The following WDFY4 variants were observed in gnomAD, a reference collection of about 807,000 sequenced individuals.
WDFY4 encodes WDFY family member 4.
Under a neutral mutation model 351.9 loss-of-function variants are expected in WDFY4, and 169 were observed. That is an observed-to-expected ratio of 0.48 (90% CI 0.42 to 0.55). The LOEUF is 0.55. WDFY4 is among the 20% of genes least tolerant of loss of function. WDFY4 has a pLI of 0.00. For missense variants in WDFY4, 3,803 were observed against 3,935.6 expected, an observed-to-expected ratio of 0.97 and a Z score of 0.90; for synonymous variants, 1,622 against 1,574.6, an observed-to-expected ratio of 1.03 and a Z score of -0.71.
intron 39 of WDFY4, among the ~76,000 whole-genome samples, chr10:48,838,307 C>T (rs542644635): frequency 2.6e-4 from 39 of 152,284 alleles, no homozygotes; most frequent in Admixed American, 7.2e-4. Context: ...CACCATTGGG[C>T]GCCTTGGAGA....
intron 47 of WDFY4, among the ~76,000 whole-genome samples, chr10:48,911,759 T>C (rs940100658): frequency 5.3e-5 from 8 of 152,148 alleles, no homozygotes; most frequent in South Asian, 2.1e-4. Flanking sequence ...AGCTACTATA[T>C]TTAGTAGTAT....
At chr10:48,742,818 T>A (rs2064893567) in intron 11 of WDFY4, 150 bp from the exon 12 acceptor site, 1 of 709,006 alleles carries the variant, frequency 1.4e-6, no homozygotes. Context: ...AATATGGAGA[T>A]CCCAATGTTT....
At position 48,727,639 on chromosome 10, in the gene WDFY4, G is replaced by A. The variant is rs2064313623; in HGVS notation, c.951G>A (p.Leu317=). ...LEFENSEGYP[L]LLKVLLRYDG... Reference sequence around the variant, plus strand: ...TTGAGAATTCAGAGGGCTATCCTCTGCTGCTCAAAGTGTTACTTCGGTAAG... The same window carrying A: ...TTGAGAATTCAGAGGGCTATCCTCTACTGCTCAAAGTGTTACTTCGGTAAG... The change falls in exon 7 of 62, where the codon CTG becomes CTA. Residue 317 remains leucine, a synonymous_variant. Coordinates refer to ENST00000325239, the MANE Select transcript of WDFY4 (RefSeq NM_001394531.1). 6.4e-7 allele frequency: 1 copy of A among 1,551,916 alleles called. No homozygotes were observed. The highest frequency in any genetic ancestry group is 1.2e-5 in the South Asian group (1 of 84,064).
chr10:48,782,939 T>C (rs2066276766), intron 19 of WDFY4, among the ~76,000 whole-genome samples: 1 of 152,088 alleles, frequency 6.6e-6, no homozygotes, highest in African/African-American at 2.4e-5. Context: ...TGAGTGGTGC[T>C]TCAGTGTGGG....
chr10:48,789,928 G>A lies in WDFY4; in HGVS notation c.4009G>A (p.Ala1337Thr). Residue 1337 changes from alanine (A) to threonine (T), a missense_variant, in exon 22 of 62, where the codon GCT becomes ACT. Physicochemically the swap from Ala to Thr is moderately conservative, Grantham distance 58. Coordinates refer to ENST00000325239, the MANE Select transcript of WDFY4 (RefSeq NM_001394531.1). The part of the protein sequence containing the change: ...AMPVFLLRNC[A>T]GHLSGSLRTI... ...GCCCGTGTTCTTGCTGAGGAATTGTGCTGGCCACCTGTCAGGGTCTCTGCG... is the reference window on the plus strand; with the variant it reads ...GCCCGTGTTCTTGCTGAGGAATTGTACTGGCCACCTGTCAGGGTCTCTGCG... 7.7e-6 allele frequency: 12 copies of A among 1,552,434 alleles called. No individual in the cohort carries two copies. The highest frequency in any genetic ancestry group is 9.6e-6 in the Non-Finnish European group (11 of 1,147,156).
intron 53 of WDFY4, among the ~76,000 whole-genome samples, chr10:48,961,121 G>A (rs777433080): frequency 6.6e-6 from 1 of 152,238 alleles, no homozygotes; most frequent in Admixed American, 6.5e-5. Context: ...GGTGTGACTA[G>A]TGGCAACAAA....
At chr10:48,881,564 G>A (rs368815615) in intron 43 of WDFY4, among the ~76,000 whole-genome samples, 33 of 152,200 alleles carry the variant, frequency 2.2e-4, no homozygotes, top group African/African-American at 7.7e-4. Flanking sequence ...CTGGACTGAT[G>A]TGTGGTGAAA....
intron 1 of WDFY4, among the ~76,000 whole-genome samples, chr10:48,703,188 A>G (rs1366764231): frequency 6.6e-6 from 1 of 152,114 alleles, no homozygotes; most frequent in Non-Finnish European, 1.5e-5. Flanking sequence ...TTATTTATTT[A>G]TTTATTTTGG....
chr10:48,877,346 A>C (rs2070059748), intron 43 of WDFY4, 147 bp downstream of exon 43: 2 of 803,056 alleles, frequency 2.5e-6, no homozygotes, highest in Non-Finnish European at 3.8e-6. Context: ...TCAGTGAAAA[A>C]AGGGATAGAT....
intron 39 of WDFY4, among the ~76,000 whole-genome samples, chr10:48,841,792 G>C (rs1417827433): frequency 6.6e-6 from 1 of 152,198 alleles, no homozygotes; most frequent in Non-Finnish European, 1.5e-5. Flanking sequence ...TCTTAGATTA[G>C]GGGTCTTCCT....
intron 58 of WDFY4, among the ~76,000 whole-genome samples, chr10:48,975,571 A>C (rs117196186): frequency 0.016 from 2,421 of 152,344 alleles, 24 homozygotes; most frequent in Admixed American, 0.025. Flanking sequence ...GGCCCAGGGC[A>C]TAAATAAAAT....
At chr10:48,902,580 T>C (rs550380511) in intron 47 of WDFY4, among the ~76,000 whole-genome samples, 1 of 151,714 alleles carries the variant, frequency 6.6e-6, no homozygotes, top group East Asian at 1.9e-4. Flanking sequence ...TAATAGCTTG[T>C]GATACATGGT....
At position 48,957,130 on chromosome 10, in the gene WDFY4, G is replaced by C. The variant is rs1314704660; in HGVS notation, c.7979G>C (p.Gly2660Ala). Reference protein sequence around the residue: ...PFTQAFCALQGGSFDVADRMF... With the variant: ...PFTQAFCALQAGSFDVADRMF... ...TCATGTTGGCTCCATTTCCCCCAGG[G>C]CGGAAGCTTCGACGTGGCAGACAGA... Residue 2660 changes from glycine (G) to alanine (A), a missense_variant and splice_region_variant, in exon 52 of 62, where the codon GGC becomes GCC. Physicochemically the swap from Gly to Ala is moderately conservative, Grantham distance 60. Transcript: ENST00000325239. 1 of 1,549,306 alleles carries C rather than the reference G, an allele frequency of 6.5e-7. No individual in the cohort carries two copies. Among genetic ancestry groups the C allele is most frequent in the East Asian group, 2.4e-5 (1 of 40,858 alleles).
chr10:48,793,518 T>A (rs2066750686), intron 23 of WDFY4, among the ~76,000 whole-genome samples: 1 of 152,218 alleles, frequency 6.6e-6, no homozygotes, highest in African/African-American at 2.4e-5. Flanking sequence ...TTGTCCACTC[T>A]TTATAAAATG....
At position 48,896,026 on chromosome 10, in the gene WDFY4, A is replaced by G. The variant is rs150086284; in HGVS notation, c.7317-1428A>G. The stretch of plus-strand genomic sequence containing the variant: ...CTGGGAATTTTAAGATGCACTCCCT[A>G]CATTTTCTCTGTCCAGCCTGGGTCT... On this transcript the variant is annotated intron_variant, in intron 44 of 61. Transcript: ENST00000325239. Among the ~76,000 whole-genome samples, 398 of 152,280 alleles carry G rather than the reference A, an allele frequency of 2.6e-3. 1 individual carries two copies. The highest frequency in any genetic ancestry group is 9.2e-3 in the African/African-American group (382 of 41,566).
chr10:48,807,192 A>G (rs2067286243), intron 27 of WDFY4, among the ~76,000 whole-genome samples: 2 of 152,202 alleles, frequency 1.3e-5, no homozygotes, highest in African/African-American at 2.4e-5. Context: ...TTGGTGTGAA[A>G]TTGCTGGCAA....
rs1021104684 is a variant in WDFY4, at chr10:48,832,460, A to C, written c.6527-113A>C. The stretch of plus-strand genomic sequence containing the variant: ...TAGCCTGGGTTGTTTCTCTTTTTGG[A>C]GGCAACCACAGGGGGCTCATGCCCC... On this transcript the variant is annotated intron_variant, in intron 38 of 61. Coordinates refer to ENST00000325239, the MANE Select transcript of WDFY4 (RefSeq NM_001394531.1). 3 of 1,261,856 alleles carry C rather than the reference A, an allele frequency of 2.4e-6. No individual in the cohort carries two copies. The East Asian group carries it at 8.5e-5, about 36-fold the overall frequency. The allele number at this position is 1,261,856 out of a possible 1,614,324, so 78.2% of individuals were successfully genotyped here.
At chr10:48,839,497 C>A (rs2068522591) in intron 39 of WDFY4, among the ~76,000 whole-genome samples, 1 of 152,102 alleles carries the variant, frequency 6.6e-6, no homozygotes, top group Non-Finnish European at 1.5e-5. Flanking sequence ...AAAATGAAGA[C>A]ACATGAGGAT....
At chr10:48,824,527 C>A (rs1335788318) in intron 35 of WDFY4, among the ~76,000 whole-genome samples, 1 of 152,184 alleles carries the variant, frequency 6.6e-6, no homozygotes, top group Non-Finnish European at 1.5e-5. Flanking sequence ...AAACTTTCAA[C>A]TTTTTTTAAC....
Sources: gnomAD v4.1 joint callset for allele counts (sites outside exome capture counted in the v4.1 genomes callset) on GRCh38, gnomAD v4.1.1 for gene constraint, MANE v1.5 for transcripts, NCBI Gene and HGNC (gene_info 2026-07-23, HGNC 2026-07-21) for gene names.